PARN: variants seen among roughly 807,000 people sequenced by gnomAD.
PARN encodes the protein poly(A)-specific ribonuclease.
Under a neutral mutation model 102.8 loss-of-function variants are expected in PARN, and 71 were observed. That is an observed-to-expected ratio of 0.69 (90% CI 0.57 to 0.84). The LOEUF is 0.84. Ranked by LOEUF, PARN falls within the 40% of genes least tolerant of loss-of-function variation. The probability of loss-of-function intolerance (pLI) is 0.00; values close to 1 mark genes in which losing one functional copy is unlikely to be tolerated. For missense variants in PARN, 782 were observed against 760.9 expected (o/e 1.03, Z -0.33); for synonymous variants, 261 against 252.9 (o/e 1.03, Z -0.30).
intron 11 of PARN, among the ~76,000 whole-genome samples, chr16:14,602,754 G>A (rs567183365): frequency 1.2e-4 from 18 of 152,240 alleles, no homozygotes; most frequent in African/African-American, 3.4e-4. Context: ...CTCCTGGGAG[G>A]CTGTCATGAA....
intron 21 of PARN, among the ~76,000 whole-genome samples, chr16:14,531,880 T>G (rs921115960): frequency 2.1e-5 from 3 of 145,886 alleles, no homozygotes; most frequent in Admixed American, 6.9e-5. Flanking sequence ...CTGGCCAAGA[T>G]AGCAAGATCC....
At chr16:14,554,538 C>T (rs961674480) in intron 19 of PARN, among the ~76,000 whole-genome samples, 2 of 151,920 alleles carry the variant, frequency 1.3e-5, no homozygotes, top group African/African-American at 4.8e-5. Context: ...TCAAGCGATC[C>T]TCCCACCTCA....
chr16:14,498,074 A>G (rs1964409207), intron 21 of PARN, among the ~76,000 whole-genome samples: 2 of 150,500 alleles, frequency 1.3e-5, no homozygotes. Flanking sequence ...CAGTGAGCCA[A>G]GATGGTGCCA....
chr16:14,580,660 A>C (rs1353737047), intron 18 of PARN, among the ~76,000 whole-genome samples: 5 of 151,806 alleles, frequency 3.3e-5, no homozygotes, highest in Non-Finnish European at 4.4e-5. Flanking sequence ...ACGTCTAGCA[A>C]TGTTTTCTTT....
chr16:14,623,081 G>A (rs1972419488), intron 5 of PARN, among the ~76,000 whole-genome samples: 1 of 150,322 alleles, frequency 6.7e-6, no homozygotes, highest in Non-Finnish European at 1.5e-5. Context: ...TCTAGCCTTG[G>A]TGACAGAGAC....
rs370248442 is a variant in PARN at position 14,524,273 on chromosome 16, G to A, written c.1480+27748C>T. Among the ~76,000 whole-genome samples, 18 of 152,080 alleles carry A rather than the reference G, an allele frequency of 1.2e-4. No individual in the cohort carries two copies. The East Asian group carries it at 2.1e-3, about 18-fold the overall frequency. Reference sequence around the variant, plus strand: ...TGTTTTTTCTTATTAGTAAGCTCTCGAAGAACAGCCAAAGTGTGAAGGCAA... The same window carrying A: ...TGTTTTTTCTTATTAGTAAGCTCTCAAAGAACAGCCAAAGTGTGAAGGCAA... On this transcript the variant is annotated intron_variant, in intron 21 of 23. Coordinates refer to ENST00000437198, the MANE Select transcript of PARN (RefSeq NM_002582.4).
chr16:14,621,801 C>T (rs1301577385), intron 5 of PARN, among the ~76,000 whole-genome samples: 3 of 133,012 alleles, frequency 2.3e-5, no homozygotes, highest in Admixed American at 7.6e-5. Context: ...ACAGGGGCTT[C>T]GTCTCAAAAA....
At chr16:14,559,409 G>GT (rs536099461) in intron 18 of PARN, among the ~76,000 whole-genome samples, 405 of 142,886 alleles carry the variant, frequency 2.8e-3, no homozygotes, top group African/African-American at 7.4e-3. Flanking sequence ...CAAAAGATTT[G>GT]TTTTTTTTTT....
chr16:14,451,469 G>A (rs1472749406), intron 22 of PARN, among the ~76,000 whole-genome samples: 1 of 150,574 alleles, frequency 6.6e-6, no homozygotes, highest in Non-Finnish European at 1.5e-5. Context: ...ATGAATTACT[G>A]TTACCTCCAA....
At chr16:14,580,219 C>T (rs888093953) in intron 18 of PARN, among the ~76,000 whole-genome samples, 2 of 152,028 alleles carry the variant, frequency 1.3e-5, no homozygotes, top group African/African-American at 4.8e-5. Flanking sequence ...ATCCGCCTGC[C>T]TCAGTCTCCC....
chr16:14,495,176 G>A (rs1964246340), intron 21 of PARN, among the ~76,000 whole-genome samples: 1 of 152,066 alleles, frequency 6.6e-6, no homozygotes, highest in African/African-American at 2.4e-5. Flanking sequence ...AGGGATTTAA[G>A]AAAACATTGC....
intron 2 of PARN, among the ~76,000 whole-genome samples, chr16:14,629,359 G>T (rs967805984): frequency 6.6e-6 from 1 of 152,210 alleles, no homozygotes; most frequent in Non-Finnish European, 1.5e-5. Flanking sequence ...GTTTTAAGCA[G>T]CATCAAAACC....
At chr16:14,622,226 G>A (rs1972353314) in intron 5 of PARN, among the ~76,000 whole-genome samples, 2 of 152,190 alleles carry the variant, frequency 1.3e-5, no homozygotes, top group South Asian at 2.1e-4. Flanking sequence ...CATGAGAACA[G>A]ATATTTGGGA....
At chr16:14,569,551 T>G (rs551993400) in intron 18 of PARN, among the ~76,000 whole-genome samples, 1 of 152,352 alleles carries the variant, frequency 6.6e-6, no homozygotes, top group East Asian at 1.9e-4. Context: ...AGCTGAGATG[T>G]TGCACAGATA....
At chr16:14,582,142 G>T in intron 17 of PARN, 39 bp downstream of exon 17, 2 of 1,257,298 alleles carry the variant, frequency 1.6e-6, no homozygotes, top group Non-Finnish European at 2.3e-6. Flanking sequence ...ATCCACCCTA[G>T]ATCACTGCGT....
intron 23 of PARN, among the ~76,000 whole-genome samples, chr16:14,438,911 C>T (rs1371092469): frequency 4.6e-5 from 7 of 152,154 alleles, no homozygotes; most frequent in Non-Finnish European, 7.3e-5. Flanking sequence ...TTTCCAGCAC[C>T]TTCCAGAAAG....
chr16:14,525,263 C>T (rs1052646787), intron 21 of PARN, among the ~76,000 whole-genome samples: 3 of 152,290 alleles, frequency 2.0e-5, no homozygotes, highest in African/African-American at 7.2e-5. Flanking sequence ...GACTCCCTCC[C>T]ACCTGAAAGA....
chr16:14,451,987 G>C (rs1286965594), intron 22 of PARN, among the ~76,000 whole-genome samples: 1 of 150,804 alleles, frequency 6.6e-6, no homozygotes, highest in South Asian at 2.1e-4. Context: ...GGGAGTTTGA[G>C]GTTTCAGTGA....
At chr16:14,538,067 A>T (rs920791579) in intron 21 of PARN, among the ~76,000 whole-genome samples, 3 of 152,186 alleles carry the variant, frequency 2.0e-5, no homozygotes, top group Admixed American at 2.0e-4. Context: ...TGTACGTACA[A>T]TGATCATGTG....
Sources: allele counts gnomAD v4.1 joint callset (sites outside exome capture counted in the v4.1 genomes callset), GRCh38; gene constraint gnomAD v4.1.1; transcripts MANE v1.5; gene names NCBI Gene and HGNC (gene_info 2026-07-23, HGNC 2026-07-21).